The following RFX7 variants were observed in gnomAD, a reference collection of about 807,000 sequenced individuals.
RFX7 encodes the protein regulatory factor X7, also known as DNA-binding protein RFX7.
RFX7 carries 26 observed loss-of-function variants against 111.8 expected under a neutral mutation model. The observed-to-expected ratio is 0.23, with a 90% CI of 0.17 to 0.32. The LOEUF is 0.32. Ranked by LOEUF, RFX7 falls within the 10% of genes least tolerant of loss-of-function variation. The pLI, the probability that RFX7 is intolerant of heterozygous loss-of-function variation, is 1.00. For missense variants in RFX7, 1,573 were observed against 1,772.9 expected (o/e 0.89, Z 2.02); for synonymous variants, 624 against 624.4 (o/e 1.00, Z 0.01).
At chr15:56,235,392 T>C (rs773187680) in intron 2 of RFX7, among the ~76,000 whole-genome samples, 10 of 152,074 alleles carry the variant, frequency 6.6e-5, no homozygotes, top group Non-Finnish European at 1.5e-4. Context: ...GCCAGGATAG[T>C]CTTGATCTCC....
At chr15:56,224,467 T>TTGTGTG (rs58795247) in intron 2 of RFX7, among the ~76,000 whole-genome samples, 14,164 of 147,202 alleles carry the variant, frequency 0.096, 752 homozygotes, top group African/African-American at 0.12. Context: ...GATTAGGATT[T>TTGTGTG]TGTGTGTGTG....
intron 3 of RFX7, among the ~76,000 whole-genome samples, chr15:56,163,769 C>CTAA (rs1413450204): frequency 6.6e-6 from 1 of 152,126 alleles, no homozygotes; most frequent in African/African-American, 2.4e-5. Context: ...TTTCTATTGG[C>CTAA]TGGCCGTTGT....
At position 56,124,565 on chromosome 15, in the gene RFX7, A is replaced by T. The variant is rs150318576; in HGVS notation, c.401+18213T>A. ...AAAGTAGCTATCCTAACAGGGTAACATGATACCTCACTGTGGTTTTTATCT... is the reference window on the plus strand; with the variant it reads ...AAAGTAGCTATCCTAACAGGGTAACTTGATACCTCACTGTGGTTTTTATCT... On this transcript the variant is annotated intron_variant, in intron 5 of 9. Coordinates refer to ENST00000559447, the MANE Select transcript of RFX7 (RefSeq NM_022841.7). Among the ~76,000 whole-genome samples, 3 of 152,326 alleles carry T rather than the reference A, an allele frequency of 2.0e-5. No homozygotes were observed. The East Asian group carries it at 5.8e-4, about 29-fold the overall frequency.
chr15:56,240,302 C>A (rs1351504543), intron 2 of RFX7, among the ~76,000 whole-genome samples: 1 of 151,896 alleles, frequency 6.6e-6, no homozygotes, highest in Non-Finnish European at 1.5e-5. Context: ...AGCTTGTTAA[C>A]CTAGAGTTAA....
rs57143704 is a variant in RFX7, at chr15:56,177,353, A to C, written c.195+1917T>G. Among the ~76,000 whole-genome samples the C allele has an allele frequency of 4.2e-3, 636 of 152,196 alleles. 11 individuals are homozygous for C. The highest frequency in any genetic ancestry group is 0.015 in the African/African-American group (616 of 41,530). On this transcript the variant is annotated intron_variant, in intron 3 of 9. Transcript: ENST00000559447. Reference sequence around the variant, plus strand: ...TCCCTTTTAAAAATTGTGGAGTATCATTTATCGTTATCTGAATTGTAATGC... The same window carrying C: ...TCCCTTTTAAAAATTGTGGAGTATCCTTTATCGTTATCTGAATTGTAATGC...
chr15:56,240,699 T>C (rs796670087), intron 2 of RFX7, among the ~76,000 whole-genome samples: 2 of 152,264 alleles, frequency 1.3e-5, no homozygotes, highest in African/African-American at 4.8e-5. Context: ...TTGAGTGTAA[T>C]TTTAAACTCT....
At chr15:56,105,444 A>C (rs570452010) in intron 5 of RFX7, among the ~76,000 whole-genome samples, 88 of 152,298 alleles carry the variant, frequency 5.8e-4, no homozygotes, top group African/African-American at 2.0e-3. Flanking sequence ...ATTTAAAACT[A>C]TAATAAACAT....
intron 5 of RFX7, among the ~76,000 whole-genome samples, chr15:56,141,220 T>C (rs1469969537): frequency 6.6e-6 from 1 of 150,582 alleles, no homozygotes; most frequent in Non-Finnish European, 1.5e-5. Flanking sequence ...TGGTGATGCA[T>C]GCCCATAGTG....
At chr15:56,152,919 A>T (rs1426307037) in intron 3 of RFX7, among the ~76,000 whole-genome samples, 2 of 152,164 alleles carry the variant, frequency 1.3e-5, no homozygotes, top group African/African-American at 2.4e-5. Context: ...CCATCAGAGA[A>T]TACTATAAAA....
At chr15:56,184,352 T>C (rs1176789804) in intron 2 of RFX7, among the ~76,000 whole-genome samples, 2 of 151,996 alleles carry the variant, frequency 1.3e-5, no homozygotes, top group Admixed American at 6.6e-5. Context: ...TCTAATAGTA[T>C]GTAGATTCTC....
At position 56,101,418 on chromosome 15, in the gene RFX7, C is replaced by G. The variant is rs764667997; in HGVS notation, c.752G>C (p.Ser251Thr). The G allele has an allele frequency of 3.7e-6, 6 of 1,611,626 alleles. No homozygotes were observed. In the East Asian group the frequency reaches 1.3e-4, roughly 36 times the overall value. The change falls in exon 8 of 10, where the codon AGT becomes ACT. Residue 251 changes from serine (S) to threonine (T), a missense_variant. Around this residue, in one of 7 missense-constraint regions of RFX7, gnomAD observed 288 missense variants for 337.9 expected, o/e 0.85. Transcript: ENST00000559447. The stretch of plus-strand genomic sequence containing the variant: ...CATTGACTTGGTGCCTATATAGTGA[C>G]TTTTTACAAGGAAGCGGGCTAATTC... Reference protein sequence around the residue: ...VLELARFLVKSHYIGTKSMAA... With the variant: ...VLELARFLVKTHYIGTKSMAA...
chr15:56,093,979 G>C lies in RFX7; in HGVS notation c.3749C>G (p.Thr1250Ser). 6.2e-7 allele frequency: 1 copy of C among 1,613,924 alleles called. No individual in the cohort carries two copies. The change falls in exon 10 of 10, where the codon ACC becomes AGC. Residue 1250 changes from threonine (T) to serine (S), a missense_variant. Thr to Ser is a moderately conservative substitution (Grantham distance 58). Transcript: ENST00000559447. ...LQKQANSKKITNVLLSKLDSD... is the reference protein window; with the variant it reads ...LQKQANSKKISNVLLSKLDSD... ...ATCAAGTTTACTCAACAAAACATTG[G>C]TTATTTTTTTACTGTTTGCTTGCTT... is the stretch of plus-strand genomic sequence containing the variant.
At chr15:56,179,218 C>T (rs768743863) in intron 3 of RFX7, 52 bp downstream of exon 3, 244 of 830,766 alleles carry the variant, frequency 2.9e-4, no homozygotes, top group Non-Finnish European at 4.0e-4. Context: ...TATTTTATAT[C>T]GTCATAAAAA....
intron 3 of RFX7, among the ~76,000 whole-genome samples, chr15:56,149,648 C>G (rs2042539832): frequency 6.6e-6 from 1 of 152,140 alleles, no homozygotes; most frequent in African/African-American, 2.4e-5. Context: ...GGGACTGAGC[C>G]TGAAGAACTC....
chr15:56,139,617 C>A (rs2042359149), intron 5 of RFX7, among the ~76,000 whole-genome samples: 1 of 152,226 alleles, frequency 6.6e-6, no homozygotes, highest in Non-Finnish European at 1.5e-5. Context: ...CTCTCTGCTC[C>A]TCAAAGACAT....
Position 56,186,631 on chromosome 15 carries a change from CAT to C in RFX7, c.162-7330_162-7329del, listed in dbSNP as rs201233457. Among the ~76,000 whole-genome samples, 620 of 151,920 alleles carry C rather than the reference CAT, an allele frequency of 4.1e-3. 9 individuals carry two copies. Among genetic ancestry groups the C allele is most frequent in the African/African-American group, 0.014 (599 of 41,414 alleles). ...TATATGTATACCTATGAACTGTATACATGTGTGTATGTGTATATATGTATAAT... is the reference window on the plus strand; with the variant it reads ...TATATGTATACCTATGAACTGTATACGTGTGTATGTGTATATATGTATAAT... On this transcript the variant is annotated intron_variant, in intron 2 of 9. Coordinates refer to ENST00000559447, the MANE Select transcript of RFX7 (RefSeq NM_022841.7).
chr15:56,179,761 AACACACACACACACACAC>A lies in RFX7; in HGVS notation c.162-476_162-459del, dbSNP rs58597217. Among the ~76,000 whole-genome samples, 771 of 137,294 alleles carry A rather than the reference AACACACACACACACACAC, an allele frequency of 5.6e-3. 3 individuals carry two copies. The highest frequency in any genetic ancestry group is 0.016 in the African/African-American group (564 of 36,176). The allele number at this position is 137,294 out of a possible 152,430, so 90.1% of individuals were successfully genotyped here. ...TTCTGTTCCCTCCTCTCTCTGTCTC[AACACACACACACACACAC>A]ACACACACACACACACACACACACA... On this transcript the variant is annotated intron_variant, in intron 2 of 9. Transcript: ENST00000559447.
intron 3 of RFX7, among the ~76,000 whole-genome samples, chr15:56,152,929 A>T (rs1283281663): frequency 1.3e-5 from 2 of 152,012 alleles, no homozygotes; most frequent in East Asian, 3.9e-4. Flanking sequence ...ATACTATAAA[A>T]ACCTCTATGC....
At chr15:56,108,999 C>A (rs1433273052) in intron 5 of RFX7, among the ~76,000 whole-genome samples, 1 of 151,876 alleles carries the variant, frequency 6.6e-6, no homozygotes, top group Non-Finnish European at 1.5e-5. Context: ...AGTGAAGGAC[C>A]TCTTCAAGAA....
Sources: allele counts gnomAD v4.1 joint callset (sites outside exome capture counted in the v4.1 genomes callset), GRCh38; gene constraint gnomAD v4.1.1; regional missense constraint gnomAD v4.1.1; transcripts MANE v1.5; gene names NCBI Gene and HGNC (gene_info 2026-07-23, HGNC 2026-07-21).